The following TDRD6 variants were observed in gnomAD, a reference collection of about 807,000 sequenced individuals.
TDRD6 encodes the protein tudor domain-containing protein 6.
TDRD6 carries 186 observed loss-of-function variants against 157.5 expected under a neutral mutation model. The observed-to-expected ratio is 1.18, with a 90% confidence interval of 1.05 to 1.33. The LOEUF is 1.33. Ranked by LOEUF, TDRD6 falls within the 40% of genes most tolerant of loss-of-function variation. The pLI is 0.00. For synonymous variants in TDRD6, 1,075 were observed against 945.2 expected, an observed-to-expected ratio of 1.14 and a Z score of -2.52; for missense variants, 3,066 against 2,508.0, an observed-to-expected ratio of 1.22 and a Z score of -4.75.
rs1389219410 is a variant in TDRD6, at chr6:46,702,894, T to C, written c.*1007T>C. Reference sequence around the variant, plus strand: ...TGTAAAGTGGTGATAATAAAACCTTTCTTGCAGTGTTTTTTTAAGATGAGA... The same window carrying C: ...TGTAAAGTGGTGATAATAAAACCTTCCTTGCAGTGTTTTTTTAAGATGAGA... On this transcript the variant is annotated 3_prime_UTR_variant, in exon 4 of 4. Coordinates refer to ENST00000316081, the MANE Select transcript of TDRD6 (RefSeq NM_001010870.3). 6.6e-6 allele frequency: 1 copy of C among 152,148 alleles called. No homozygotes were observed. Among genetic ancestry groups the C allele is most frequent in the South Asian group, 2.1e-4 (1 of 4,828 alleles). 9.4% of individuals were successfully genotyped at this position (152,148 alleles called of 1,614,324 possible). A position where few individuals can be genotyped will look rare whatever the true frequency, so the allele number is the denominator to read the frequency against.
At chr6:46,696,509 ATGTATATATATG>A (rs1764501008) in intron 2 of TDRD6, among the ~76,000 whole-genome samples, 1 of 134,902 alleles carries the variant, frequency 7.4e-6, no homozygotes, top group South Asian at 2.3e-4. Context: ...TGTAATATAT[ATGTATATATATG>A]TGTGTATATA....
chr6:46,692,781 A>G lies in TDRD6; in HGVS notation c.4653A>G (p.Val1551=). The G allele has an allele frequency of 6.2e-7, 1 of 1,614,172 alleles. No individual in the cohort carries two copies. The highest frequency in any genetic ancestry group is 8.5e-7 in the Non-Finnish European group (1 of 1,180,032). The part of the protein sequence containing the change: ...TEKLQCLEVE[V]QTAGEQVADR... ...AACTTCAGTGTTTAGAAGTAGAAGT[A>G]CAGACTGCTGGAGAACAGGTAGCAG... Residue 1551 remains valine (V), a synonymous_variant, in exon 1 of 4, where the codon GTA becomes GTG. Coordinates refer to ENST00000316081, the MANE Select transcript of TDRD6 (RefSeq NM_001010870.3).
chr6:46,690,324 T>C lies in TDRD6; in HGVS notation c.2196T>C (p.Gly732=). ...GTGACACAACAGTTGTAACAAATGG[T>C]TCAACTGAACTAGTTGTGCAGGAAA... ...ALSDTTVVTN[G]STELVVQEKV... The change falls in exon 1 of 4, where the codon GGT becomes GGC. Residue 732 remains glycine (G), a synonymous_variant. Transcript: ENST00000316081. The C allele has an allele frequency of 1.2e-6, 2 of 1,613,416 alleles. No individual in the cohort carries two copies. The highest frequency in any genetic ancestry group is 1.7e-6 in the Non-Finnish European group (2 of 1,180,002).
Position 46,687,994 on chromosome 6 carries a change from C to T in TDRD6, c.-135C>T, listed in dbSNP as rs966041495. Reference sequence around the variant, plus strand: ...GGGGAGTTGCCGAGAAAAGGCCTCGCCGGCATTCTTCCCCTCCACTGGGTC... The same window carrying T: ...GGGGAGTTGCCGAGAAAAGGCCTCGTCGGCATTCTTCCCCTCCACTGGGTC... On this transcript the variant is annotated 5_prime_UTR_variant, in exon 1 of 4. Coordinates refer to ENST00000316081, the MANE Select transcript of TDRD6 (RefSeq NM_001010870.3). 14 of 1,323,428 alleles carry T rather than the reference C, an allele frequency of 1.1e-5. No individual in the cohort carries two copies. In the South Asian group the frequency reaches 2.2e-4, roughly 21 times the overall value. The allele number at this position is 1,323,428 out of a possible 1,614,324, so 82.0% of individuals were successfully genotyped here.
In TDRD6 at chr6:46,687,892, G is replaced by C; in HGVS notation, c.-237G>C. On this transcript the variant is annotated 5_prime_UTR_variant, in exon 1 of 4. Transcript: ENST00000316081. ...GCCGAGTGAGGTAAATGCGTGCCCG[G>C]AAGCGCGACCTCGGGCGGTTGGAGG... The C allele has an allele frequency of 1.8e-6, 1 of 541,846 alleles. No homozygotes were observed. The highest frequency in any genetic ancestry group is 3.7e-5 in the East Asian group (1 of 26,974). The allele number at this position is 541,846 out of a possible 1,614,324, so 33.6% of individuals were successfully genotyped here.
intron 3 of TDRD6, among the ~76,000 whole-genome samples, 197 bp from the exon 4 acceptor site, chr6:46,701,661 C>T (rs1231447276): frequency 6.6e-6 from 1 of 152,080 alleles, no homozygotes. Flanking sequence ...TTTGATGGTA[C>T]AGTGTGAGAA....
chr6:46,684,543 CTAA>C (rs1305129662), upstream of TDRD6, among the ~76,000 whole-genome samples: 1 of 152,132 alleles, frequency 6.6e-6, no homozygotes, highest in African/African-American at 2.4e-5. Flanking sequence ...CTGGAAGCCA[CTAA>C]TCTTTTCTCC....
At chr6:46,696,917 T>A (rs1399925282) in intron 2 of TDRD6, among the ~76,000 whole-genome samples, 1 of 151,946 alleles carries the variant, frequency 6.6e-6, no homozygotes, top group Non-Finnish European at 1.5e-5. Flanking sequence ...GGCTGTTTTT[T>A]AAATTGTATT....
upstream of TDRD6, among the ~76,000 whole-genome samples, chr6:46,686,098 T>G (rs1213294189): frequency 6.6e-6 from 1 of 152,140 alleles, no homozygotes; most frequent in Non-Finnish European, 1.5e-5. Context: ...GTCCTAGGAT[T>G]AAGGCCATGA....
chr6:46,696,585 A>G (rs868390157), intron 2 of TDRD6, among the ~76,000 whole-genome samples: 187 of 29,706 alleles, frequency 6.3e-3, no homozygotes, highest in Non-Finnish European at 9.7e-3. Flanking sequence ...GTGTGTGTAT[A>G]TATATATATA....
rs1365150890 is a variant in TDRD6, at chr6:46,688,347, C to T, written c.219C>T (p.Cys73=). ...CCTCGGCCTCGCCCGGCGAGCTGTG[C>T]CTGGTGCAGGTCGGGCTTTTGTGGC... ...GSASASPGEL[C]LVQVGLLWHR... The change falls in exon 1 of 4, where the codon TGC becomes TGT. Residue 73 remains cysteine (C), a synonymous_variant. Transcript: ENST00000316081. The T allele has an allele frequency of 3.3e-6, 5 of 1,531,470 alleles. No individual in the cohort carries two copies. Among genetic ancestry groups the T allele is most frequent in the Non-Finnish European group, 4.4e-6 (5 of 1,143,622 alleles). The allele number at this position is 1,531,470 out of a possible 1,614,324, so 94.9% of individuals were successfully genotyped here.
upstream of TDRD6, among the ~76,000 whole-genome samples, chr6:46,686,863 T>C (rs1017768301): frequency 1.3e-5 from 2 of 152,202 alleles, no homozygotes; most frequent in African/African-American, 4.8e-5. Context: ...AAAGTAAGCA[T>C]AGGGTGATGT....
Position 46,688,749 on chromosome 6 carries a change from G to C in TDRD6, c.621G>C (p.Ser207=). ...GGGTGCCCGACAGCCTCTTCCGTTC[G>C]CTGCTGGAGCGCTATCTCACAGCGG... ...ARRVPDSLFR[S]LLERYLTAAT... is the part of the protein sequence containing the mutation. The change falls in exon 1 of 4, where the codon TCG becomes TCC. Residue 207 remains serine (S), a synonymous_variant. Coordinates refer to ENST00000316081, the MANE Select transcript of TDRD6 (RefSeq NM_001010870.3). 1.2e-6 allele frequency: 2 copies of C among 1,602,490 alleles called. No individual in the cohort carries two copies. Among genetic ancestry groups the C allele is most frequent in the Non-Finnish European group, 8.5e-7 (1 of 1,179,492 alleles).
Position 46,687,929 on chromosome 6 carries a change from C to G in TDRD6, c.-200C>G. 1 of 803,232 alleles carries G rather than the reference C, an allele frequency of 1.2e-6. No individual in the cohort carries two copies. The highest frequency in any genetic ancestry group is 1.8e-6 in the Non-Finnish European group (1 of 555,214). 49.8% of individuals were successfully genotyped at this position (803,232 alleles called of 1,614,324 possible). On this transcript the variant is annotated 5_prime_UTR_variant, in exon 1 of 4. Coordinates refer to ENST00000316081, the MANE Select transcript of TDRD6 (RefSeq NM_001010870.3). ...CGGGCGGTTGGAGGGGCTACCGGGT[C>G]TTACCAGTCCGTGGCGGGAGTCCCG...
the TDRD6 span, among the ~76,000 whole-genome samples, chr6:46,681,359 C>G: frequency 6.6e-6 from 1 of 152,128 alleles, no homozygotes; most frequent in Non-Finnish European, 1.5e-5. Context: ...ATATAATTGA[C>G]TAACAGTTAA....
chr6:46,694,172 C>A lies in TDRD6; in HGVS notation c.6044C>A (p.Ser2015Ter). The change falls in exon 1 of 4, where the codon TCA (serine) becomes TAA (stop). Residue 2015 changes from serine to a stop codon, truncating the protein, a stop_gained and splice_region_variant. Transcript: ENST00000316081. LOFTEE classifies it high-confidence loss of function. Reference sequence around the variant, plus strand: ...AATAATGGTTTACCAGATCATATCTCAGGTATGTGAATTTTTTTTCCTTTT... The same window carrying A: ...AATAATGGTTTACCAGATCATATCTAAGGTATGTGAATTTTTTTTCCTTTT... The part of the protein sequence containing the change: ...KHNNGLPDHI[S>*]AQLQNTYTLK... 2 of 1,494,242 alleles carry A rather than the reference C, an allele frequency of 1.3e-6. No homozygotes were observed. The highest frequency in any genetic ancestry group is 8.9e-7 in the Non-Finnish European group (1 of 1,118,554). The allele number at this position is 1,494,242 out of a possible 1,614,324, so 92.6% of individuals were successfully genotyped here.
Position 46,688,636 on chromosome 6 carries a change from G to A in TDRD6, c.508G>A (p.Val170Ile). The A allele has an allele frequency of 1.3e-6, 2 of 1,599,248 alleles. No individual in the cohort carries two copies. Among genetic ancestry groups the A allele is most frequent in the Non-Finnish European group, 8.5e-7 (1 of 1,179,864 alleles). Residue 170 changes from valine to isoleucine, a missense_variant, in exon 1 of 4, where the codon GTC becomes ATC. Coordinates refer to ENST00000316081, the MANE Select transcript of TDRD6 (RefSeq NM_001010870.3). The part of the protein sequence containing the change: ...NLQGKEVHGC[V>I]LDVLLLHRLV... ...TCAGGGCAAGGAGGTGCACGGGTGC[G>A]TCCTGGACGTGCTGCTGCTCCATCG...
In TDRD6 at chr6:46,692,758, C is replaced by CTGA. The variant is rs968813930; in HGVS notation, c.4631_4632insGAT (p.Leu1544_Gln1545insIle). The CTGA allele has an allele frequency of 1.2e-6, 2 of 1,614,024 alleles. No homozygotes were observed. The highest frequency in any genetic ancestry group is 2.7e-5 in the African/African-American group (2 of 74,894). ...GTGTCAGTTTGCTGATACGGAGAAACTTCAGTGTTTAGAAGTAGAAGTACA... is the reference window on the plus strand; with the variant it reads ...GTGTCAGTTTGCTGATACGGAGAAACTGATTCAGTGTTTAGAAGTAGAAGTACA... On this transcript the variant is annotated inframe_insertion, in exon 1 of 4. Coordinates refer to ENST00000316081, the MANE Select transcript of TDRD6 (RefSeq NM_001010870.3).
chr6:46,688,371 G>C lies in TDRD6; in HGVS notation c.243G>C (p.Trp81Cys). The change falls in exon 1 of 4, where the codon TGG becomes TGC. Residue 81 changes from tryptophan to cysteine, a missense_variant. Trp to Cys is a radical substitution (Grantham distance 215). Transcript: ENST00000316081. ...GCCTGGTGCAGGTCGGGCTTTTGTG[G>C]CACCGCTGCCGCGTGGTCAGCCGGC... is the stretch of plus-strand genomic sequence containing the variant. The part of the protein sequence containing the change: ...ELCLVQVGLL[W>C]HRCRVVSRQA... The C allele has an allele frequency of 6.5e-7, 1 of 1,534,200 alleles. No individual in the cohort carries two copies. The highest frequency in any genetic ancestry group is 2.5e-5 in the East Asian group (1 of 40,624).
Sources: gnomAD v4.1 joint callset for allele counts (sites outside exome capture counted in the v4.1 genomes callset) on GRCh38, gnomAD v4.1.1 for gene constraint, MANE v1.5 for transcripts, NCBI Gene and HGNC (gene_info 2026-07-23, HGNC 2026-07-21) for gene names.